Variants in PPP3CC observed in about 807,000 individuals in gnomAD.
PPP3CC encodes protein phosphatase 3 catalytic subunit gamma.
A neutral mutation model predicts 60.3 loss-of-function variants in PPP3CC; 35 were observed. That is an observed-to-expected ratio of 0.58 (90% CI 0.44 to 0.77). PPP3CC has a LOEUF of 0.77. Ranked by LOEUF, PPP3CC falls within the 30% of genes least tolerant of loss-of-function variation. The pLI, the probability that PPP3CC is intolerant of heterozygous loss-of-function variation, is 0.00. For missense variants in PPP3CC, 570 were observed against 628.9 expected, an observed-to-expected ratio of 0.91 and a Z score of 1.00; for synonymous variants, 206 against 224.3, an observed-to-expected ratio of 0.92 and a Z score of 0.73.
chr8:22,467,464 CAG>C (rs1186061941), intron 1 of PPP3CC, among the ~76,000 whole-genome samples: 1 of 152,104 alleles, frequency 6.6e-6, no homozygotes, highest in Non-Finnish European at 1.5e-5. Context: ...TGTTTTGAGA[CAG>C]AGCATTGCTC....
At chr8:22,474,846 T>A (rs1485540188) in intron 1 of PPP3CC, 108 bp from the exon 2 acceptor site, 2 of 716,558 alleles carry the variant, frequency 2.8e-6, no homozygotes, top group Non-Finnish European at 4.0e-6. Context: ...GCTGTGGATG[T>A]GAAATCATGG....
chr8:22,473,090 G>A (rs1481794371), intron 1 of PPP3CC, among the ~76,000 whole-genome samples: 2 of 152,136 alleles, frequency 1.3e-5, no homozygotes, highest in Non-Finnish European at 2.9e-5. Context: ...AAAGCATGAC[G>A]AAACTTATAA....
chr8:22,538,958 C>T (rs1036711350), intron 12 of PPP3CC, among the ~76,000 whole-genome samples: 1 of 152,166 alleles, frequency 6.6e-6, no homozygotes, highest in Admixed American at 6.5e-5. Context: ...CTTCCAAATG[C>T]CAGTCTGCTG....
rs1219177768 is a variant in PPP3CC at position 22,541,114 on chromosome 8, G to C, written c.*312G>C. 4.0e-5 allele frequency: 7 copies of C among 175,872 alleles called. 1 individual carries two copies. Among genetic ancestry groups the C allele is most frequent in the Admixed American group, 1.2e-4 (2 of 16,128 alleles). The allele number at this position is 175,872 out of a possible 1,614,324, so 10.9% of individuals were successfully genotyped here. ...GAACTTCCCCTAATAAAAGGGCCTT[G>C]GAAACCTCAAACCTGGGTTTCTGAC... is the stretch of plus-strand genomic sequence containing the variant. On this transcript the variant is annotated 3_prime_UTR_variant, in exon 14 of 14. Coordinates refer to ENST00000240139, the MANE Select transcript of PPP3CC (RefSeq NM_005605.5).
intron 4 of PPP3CC, among the ~76,000 whole-genome samples, chr8:22,503,476 AG>A (rs1438448271): frequency 6.6e-6 from 1 of 152,100 alleles, no homozygotes; most frequent in Non-Finnish European, 1.5e-5. Flanking sequence ...TAAGTTTCAG[AG>A]GGTTTTTTAG....
chr8:22,513,419 T>C lies in PPP3CC; in HGVS notation c.757T>C (p.Ser253Pro). 1.2e-6 allele frequency: 2 copies of C among 1,603,848 alleles called. No homozygotes were observed. Among genetic ancestry groups the C allele is most frequent in the Non-Finnish European group, 1.7e-6 (2 of 1,176,752 alleles). ...TACCCACAACACTGTCCGAGGGTGC[T>C]CTTATTTCTACAGGTAAGCTAGTCC... is the stretch of plus-strand genomic sequence containing the variant. ...HYTHNTVRGC[S>P]YFYSYPAVCE... The change falls in exon 6 of 14, where the codon TCT becomes CCT. Residue 253 changes from serine to proline, a missense_variant. Transcript: ENST00000240139.
intron 3 of PPP3CC, among the ~76,000 whole-genome samples, chr8:22,496,958 C>T (rs533490377): frequency 2.6e-4 from 39 of 152,158 alleles, no homozygotes; most frequent in Non-Finnish European, 4.6e-4. Context: ...CTTTAGGCCT[C>T]TTTGTTGCTG....
At chr8:22,442,749 T>A (rs1836708779) in intron 1 of PPP3CC, among the ~76,000 whole-genome samples, 1 of 152,220 alleles carries the variant, frequency 6.6e-6, no homozygotes, top group African/African-American at 2.4e-5. Flanking sequence ...TCTCTTAAGA[T>A]TCAGAGTGTA....
intron 2 of PPP3CC, 80 bp downstream of exon 2, chr8:22,475,231 G>A: frequency 1.5e-6 from 2 of 1,328,704 alleles, no homozygotes; most frequent in Admixed American, 2.2e-5. Context: ...CAAATAACCA[G>A]CTAAAAAGTG....
intron 6 of PPP3CC, among the ~76,000 whole-genome samples, chr8:22,516,754 A>G (rs1839256286): frequency 6.6e-6 from 1 of 152,154 alleles, no homozygotes; most frequent in South Asian, 2.1e-4. Context: ...GCTTTTCATG[A>G]GTGATTTCAC....
intron 1 of PPP3CC, among the ~76,000 whole-genome samples, chr8:22,472,690 A>G (rs1347989673): frequency 6.6e-6 from 1 of 152,182 alleles, no homozygotes; most frequent in African/African-American, 2.4e-5. Context: ...ATTCCTGTGT[A>G]TTAATGAAAA....
At chr8:22,497,007 T>C (rs556195990) in intron 3 of PPP3CC, among the ~76,000 whole-genome samples, 13 of 152,058 alleles carry the variant, frequency 8.5e-5, no homozygotes, top group Non-Finnish European at 1.5e-4. Context: ...GTTCTGTTGA[T>C]TTTTTCTGTA....
chr8:22,464,283 T>C (rs992871230), intron 1 of PPP3CC, among the ~76,000 whole-genome samples: 2 of 152,234 alleles, frequency 1.3e-5, no homozygotes, highest in African/African-American at 4.8e-5. Flanking sequence ...AAAAAATTTT[T>C]AATAAAGTAA....
At chr8:22,471,316 A>C (rs1586807169) in intron 1 of PPP3CC, among the ~76,000 whole-genome samples, 2 of 142,478 alleles carry the variant, frequency 1.4e-5, no homozygotes, top group African/African-American at 2.6e-5. Flanking sequence ...AGTCTGTGTC[A>C]CCTAGGCTGG....
Position 22,475,531 on chromosome 8 carries a change from C to A in PPP3CC, c.279C>A (p.Asp93Glu), listed in dbSNP as rs1322027924. The change falls in exon 3 of 14, where the codon GAC becomes GAA. Residue 93 changes from aspartate to glutamate, a missense_variant. Asp to Glu is a conservative substitution (Grantham distance 45). Transcript: ENST00000240139. ...GTGATATTCATGGACAATTCTTTGA[C>A]CTAATGAAGTTATTTGAAGTTGGAG... The part of the protein sequence containing the change: ...VCGDIHGQFF[D>E]LMKLFEVGGS... 1 of 1,610,658 alleles carries A rather than the reference C, an allele frequency of 6.2e-7. No homozygotes were observed. The highest frequency in any genetic ancestry group is 1.1e-5 in the South Asian group (1 of 90,794).
intron 4 of PPP3CC, among the ~76,000 whole-genome samples, chr8:22,509,156 A>G (rs1839010417): frequency 6.6e-6 from 1 of 152,168 alleles, no homozygotes; most frequent in Non-Finnish European, 1.5e-5. Flanking sequence ...CACTTTCCTT[A>G]GGGATCTCTC....
In PPP3CC at chr8:22,475,117, G is replaced by C. The variant is rs1837847670; in HGVS notation, c.213G>C (p.Glu71Asp). 5.6e-6 allele frequency: 9 copies of C among 1,612,942 alleles called. No individual in the cohort carries two copies. The highest frequency in any genetic ancestry group is 7.6e-6 in the Non-Finnish European group (9 of 1,179,334). The change falls in exon 2 of 14, where the codon GAG becomes GAC. Residue 71 changes from glutamate (E) to aspartate (D), a missense_variant. Physicochemically the swap from Glu to Asp is conservative, Grantham distance 45 (BLOSUM62 2). Transcript: ENST00000240139. ...INDGAAILRQEKTMIEVDAPI... is the reference protein window; with the variant it reads ...INDGAAILRQDKTMIEVDAPI... Reference sequence around the variant, plus strand: ...ATGGGGCTGCCATCCTGAGGCAAGAGAAGACTATGATAGAAGTAGATGCTC... The same window carrying C: ...ATGGGGCTGCCATCCTGAGGCAAGACAAGACTATGATAGAAGTAGATGCTC...
At chr8:22,441,671 A>G (rs1440372767) in intron 1 of PPP3CC, among the ~76,000 whole-genome samples, 2 of 151,698 alleles carry the variant, frequency 1.3e-5, no homozygotes, top group Non-Finnish European at 2.9e-5. Flanking sequence ...GTCAGTGCCA[A>G]GTTCCCTCCC....
chr8:22,492,784 C>A, intron 3 of PPP3CC: 2 of 1,005,200 alleles, frequency 2.0e-6, no homozygotes, highest in Non-Finnish European at 3.2e-6. Context: ...TAAACAATGT[C>A]TCTGGTATTG....
Sources: gnomAD v4.1 joint callset for allele counts (sites outside exome capture counted in the v4.1 genomes callset) on GRCh38, gnomAD v4.1.1 for gene constraint, MANE v1.5 for transcripts, NCBI Gene and HGNC (gene_info 2026-07-23, HGNC 2026-07-21) for gene names.